The following EXT1 variants were observed in gnomAD, a reference collection of about 807,000 sequenced individuals.
EXT1 encodes the protein exostosin glycosyltransferase 1.
Under a neutral mutation model 82.5 loss-of-function variants are expected in EXT1, and 20 were observed. The observed-to-expected ratio is 0.24, with a 90% CI of 0.17 to 0.35. The LOEUF is 0.35. Ranked by LOEUF, EXT1 falls within the 10% of genes least tolerant of loss-of-function variation. The probability of loss-of-function intolerance (pLI) is 1.00; values close to 1 mark genes in which losing one functional copy is unlikely to be tolerated. For missense variants in EXT1, 757 were observed against 936.5 expected (o/e 0.81, Z 2.50); for synonymous variants, 348 against 350.8 (o/e 0.99, Z 0.09).
chr8:118,009,380 ATGAGGGCATAGATT>A (rs1056077723), intron 1 of EXT1, among the ~76,000 whole-genome samples: 2 of 152,196 alleles, frequency 1.3e-5, no homozygotes, highest in Non-Finnish European at 2.9e-5. Context: ...GGACTGGAAA[ATGAGGGCATAGATT>A]TGTGGCTCTA....
intron 1 of EXT1, among the ~76,000 whole-genome samples, chr8:118,086,491 T>A: frequency 6.6e-6 from 1 of 152,226 alleles, no homozygotes; most frequent in South Asian, 2.1e-4. Context: ...GAGCTTTTAA[T>A]TGGGCACTTT....
intron 1 of EXT1, among the ~76,000 whole-genome samples, chr8:117,946,455 C>T (rs1814390232): frequency 6.6e-6 from 1 of 152,128 alleles, no homozygotes; most frequent in Non-Finnish European, 1.5e-5. Context: ...ATTTGTGGCG[C>T]CTAATCCCAG....
At chr8:118,065,208 T>G (rs901230063) in intron 1 of EXT1, among the ~76,000 whole-genome samples, 1 of 152,150 alleles carries the variant, frequency 6.6e-6, no homozygotes. Flanking sequence ...TATCTCATTG[T>G]GGTTCTGCTG....
In EXT1 at chr8:117,807,325, T is replaced by C. The variant is rs773446843; in HGVS notation, c.1775A>G (p.Tyr592Cys). The change falls in exon 9 of 11, where the codon TAC becomes TGC. Residue 592 changes from tyrosine to cysteine, a missense_variant. Physicochemically the swap from Tyr to Cys is radical, Grantham distance 194. Around this residue, in one of 4 missense-constraint regions of EXT1, gnomAD observed 128 missense variants for 223.2 expected, o/e 0.57. Coordinates refer to ENST00000378204, the MANE Select transcript of EXT1 (RefSeq NM_000127.3). ...WQSFPERIVG[Y>C]PARSHFWDNS... The stretch of plus-strand genomic sequence containing the variant: ...ATCCCAGAAGTGGCTGCGCGCGGGG[T>C]ACCCCACAATCCTCTCAGGGAAGCT... 1 of 1,614,094 alleles carries C rather than the reference T, an allele frequency of 6.2e-7. No individual in the cohort carries two copies. The highest frequency in any genetic ancestry group is 1.1e-5 in the South Asian group (1 of 91,074).
intron 1 of EXT1, among the ~76,000 whole-genome samples, chr8:117,877,547 C>T (rs910133501): frequency 5.3e-5 from 8 of 152,034 alleles, no homozygotes; most frequent in African/African-American, 1.7e-4. Context: ...CTATTTTTAA[C>T]CATTTTATTT....
At chr8:118,019,156 T>A (rs1183822464) in intron 1 of EXT1, among the ~76,000 whole-genome samples, 1 of 151,874 alleles carries the variant, frequency 6.6e-6, no homozygotes, top group African/African-American at 2.4e-5. Context: ...GCTTTAGAAA[T>A]CCAGTTTTTC....
intron 1 of EXT1, among the ~76,000 whole-genome samples, chr8:118,056,986 G>A (rs961158173): frequency 1.3e-5 from 2 of 152,084 alleles, no homozygotes; most frequent in Non-Finnish European, 2.9e-5. Context: ...CCTAAACACA[G>A]GCCCTGGGAT....
chr8:117,950,210 T>C (rs1453405451), intron 1 of EXT1, among the ~76,000 whole-genome samples: 1 of 152,100 alleles, frequency 6.6e-6, no homozygotes, highest in Admixed American at 6.6e-5. Context: ...CCCTCGACTA[T>C]AGCTTGGGTG....
chr8:117,898,047 G>A (rs1452756585), intron 1 of EXT1, among the ~76,000 whole-genome samples: 2 of 152,148 alleles, frequency 1.3e-5, no homozygotes, highest in Non-Finnish European at 2.9e-5. Context: ...ATAGATAAAA[G>A]ATAAAGTCAT....
chr8:117,861,094 C>G (rs1389348792), intron 1 of EXT1, among the ~76,000 whole-genome samples: 1 of 152,208 alleles, frequency 6.6e-6, no homozygotes, highest in East Asian at 1.9e-4. Context: ...AACTATTACT[C>G]TGCTGGGTCC....
chr8:117,840,020 A>T lies in EXT1; in HGVS notation c.963-2819T>A, dbSNP rs189058955. On this transcript the variant is annotated intron_variant, in intron 1 of 10. Coordinates refer to ENST00000378204, the MANE Select transcript of EXT1 (RefSeq NM_000127.3). ...AGGCCGACCTTTCAGAAGATACACA[A>T]AGAAGTCTGTGGCCACTCTCCCCAG... is the stretch of plus-strand genomic sequence containing the variant. 5.3e-5 allele frequency among the ~76,000 whole-genome samples: 8 copies of T among 152,322 alleles called. No homozygotes were observed. In the East Asian group the frequency reaches 1.4e-3, roughly 26 times the overall value.
intron 1 of EXT1, among the ~76,000 whole-genome samples, chr8:118,007,288 C>T (rs1815799382): frequency 6.6e-6 from 1 of 151,500 alleles, no homozygotes; most frequent in Non-Finnish European, 1.5e-5. Context: ...CACAGCGAGA[C>T]ACCATCTCAA....
intron 1 of EXT1, among the ~76,000 whole-genome samples, chr8:117,997,642 A>G (rs1000226125): frequency 6.6e-6 from 1 of 151,976 alleles, no homozygotes; most frequent in African/African-American, 2.4e-5. Flanking sequence ...AAGAAAGATA[A>G]AAACAAACTG....
chr8:117,883,021 C>G (rs1813088525), intron 1 of EXT1, among the ~76,000 whole-genome samples: 1 of 149,944 alleles, frequency 6.7e-6, no homozygotes, highest in African/African-American at 2.4e-5. Flanking sequence ...GATACGGCAT[C>G]ATACTTTTGT....
intron 1 of EXT1, among the ~76,000 whole-genome samples, chr8:117,973,612 T>C (rs1814989238): frequency 6.6e-6 from 1 of 151,638 alleles, no homozygotes; most frequent in African/African-American, 2.4e-5. Context: ...CCAAAATAAT[T>C]TAAACATTTC....
At chr8:118,078,006 A>G (rs1817241470) in intron 1 of EXT1, among the ~76,000 whole-genome samples, 1 of 152,170 alleles carries the variant, frequency 6.6e-6, no homozygotes, top group Non-Finnish European at 1.5e-5. Context: ...ATTTCTTTAT[A>G]GTTTTATTAT....
intron 1 of EXT1, among the ~76,000 whole-genome samples, chr8:118,074,043 G>A (rs1270490148): frequency 1.3e-5 from 2 of 151,776 alleles, no homozygotes; most frequent in Non-Finnish European, 2.9e-5. Flanking sequence ...CAGCACAAGA[G>A]CGGACAAAGA....
intron 1 of EXT1, among the ~76,000 whole-genome samples, chr8:117,858,803 G>GGAAGGAAGGAAGGAAGGAA (rs1563582124): frequency 1.2e-5 from 1 of 80,298 alleles, no homozygotes; most frequent in African/African-American, 6.5e-5. Flanking sequence ...GGCAAGGCAA[G>GGAAGGAAGGAAGGAAGGAA]GCAAGGCAGG....
chr8:117,995,334 G>GC (rs1486844438), intron 1 of EXT1, among the ~76,000 whole-genome samples: 16 of 152,320 alleles, frequency 1.1e-4, no homozygotes, highest in African/African-American at 3.8e-4. Flanking sequence ...AGAAAAGCCA[G>GC]CATGGTATGA....
Sources: gnomAD v4.1 joint callset for allele counts (sites outside exome capture counted in the v4.1 genomes callset) on GRCh38, gnomAD v4.1.1 for gene constraint, gnomAD v4.1.1 regional missense constraint, MANE v1.5 for transcripts, NCBI Gene and HGNC (gene_info 2026-07-23, HGNC 2026-07-21) for gene names.